Variants in RPS6KA2 observed in about 807,000 individuals in gnomAD.
The protein encoded by RPS6KA2 is ribosomal protein S6 kinase A2.
In RPS6KA2, 42 loss-of-function variants were observed where a neutral mutation model predicts 91.8. The observed-to-expected ratio is 0.46, with a 90% CI of 0.36 to 0.59. RPS6KA2 has a LOEUF of 0.59. Among genes scored for constraint, RPS6KA2 ranks in the 20% least tolerant of loss-of-function variants. The probability of loss-of-function intolerance (pLI) is 0.00; values close to 1 mark genes in which losing one functional copy is unlikely to be tolerated. For missense variants in RPS6KA2, 798 were observed against 978.5 expected, an observed-to-expected ratio of 0.82 and a Z score of 2.46; for synonymous variants, 414 against 393.6, an observed-to-expected ratio of 1.05 and a Z score of -0.61.
At chr6:166,553,448 C>CT (rs397953275) in intron 1 of RPS6KA2, among the ~76,000 whole-genome samples, 11,644 of 140,214 alleles carry the variant, frequency 0.083, 730 homozygotes, top group East Asian at 0.26. Flanking sequence ...TTTAGTCCCA[C>CT]TTTTTTTTTT....
chr6:166,685,092 C>T (rs968805659), intron 2 of RPS6KA2, among the ~76,000 whole-genome samples: 2 of 152,232 alleles, frequency 1.3e-5, no homozygotes, highest in Admixed American at 1.3e-4. Flanking sequence ...ACCTCGAAGT[C>T]CCCATCCAGT....
intron 2 of RPS6KA2, among the ~76,000 whole-genome samples, chr6:166,708,939 A>G (rs1257082569): frequency 2.6e-5 from 4 of 152,256 alleles, no homozygotes; most frequent in Non-Finnish European, 5.9e-5. Context: ...GAAGCCAGTC[A>G]TGTAGACAAC....
intron 2 of RPS6KA2, among the ~76,000 whole-genome samples, chr6:166,685,174 G>GAA (rs1788969000): frequency 1.4e-5 from 2 of 139,820 alleles, no homozygotes; most frequent in African/African-American, 5.1e-5. Context: ...GCAGGCTGCG[G>GAA]GGACAGAGGC....
At chr6:166,731,026 T>TGA (rs1298613470) in intron 2 of RPS6KA2, among the ~76,000 whole-genome samples, 1 of 152,196 alleles carries the variant, frequency 6.6e-6, no homozygotes, top group Non-Finnish European at 1.5e-5. Context: ...GCGGATCACC[T>TGA]GAGGTCGGGC....
chr6:166,727,447 AAAC>A (rs1790373778), intron 2 of RPS6KA2, among the ~76,000 whole-genome samples: 1 of 152,042 alleles, frequency 6.6e-6, no homozygotes, highest in Non-Finnish European at 1.5e-5. Flanking sequence ...GCTGCTCCTA[AAAC>A]AACACCAGGG....
intron 1 of RPS6KA2, among the ~76,000 whole-genome samples, chr6:166,550,973 C>G (rs1486397636): frequency 1.6e-5 from 2 of 121,302 alleles, no homozygotes; most frequent in South Asian, 5.7e-4. Context: ...TCCAGCCTGG[C>G]AACAGAGCCG....
chr6:166,500,657 C>A lies in RPS6KA2; in HGVS notation c.604+230G>T, dbSNP rs1324850723. ...AAGGAGCCCAGCAAACAGAACGTGG[C>A]AGGGGAGAGGGAAAAGAAGGGGCCA... On this transcript the variant is annotated intron_variant, in intron 7 of 20. Transcript: ENST00000265678. The surrounding 1 kb of genome is among the most constrained non-coding windows in gnomAD (Gnocchi z 4.3). Among the ~76,000 whole-genome samples the A allele has an allele frequency of 6.6e-6, 1 of 152,100 alleles. No homozygotes were observed. The highest frequency in any genetic ancestry group is 2.4e-5 in the African/African-American group (1 of 41,418).
At chr6:166,618,666 C>CGGGCAAATGCCCATCACCTCCGTT (rs1786505135) in intron 1 of RPS6KA2, among the ~76,000 whole-genome samples, 1 of 152,226 alleles carries the variant, frequency 6.6e-6, no homozygotes. Flanking sequence ...CATGGCAATT[C>CGGGCAAATGCCCATCACCTCCGTT]GGGCAAATGC....
At chr6:166,608,579 T>C (rs1583322313) in intron 1 of RPS6KA2, among the ~76,000 whole-genome samples, 1 of 152,032 alleles carries the variant, frequency 6.6e-6, no homozygotes, top group Non-Finnish European at 1.5e-5. Flanking sequence ...ACATAACAAG[T>C]TGATTATTGT....
intron 2 of RPS6KA2, among the ~76,000 whole-genome samples, chr6:166,843,517 C>A (rs760107533): frequency 1.3e-5 from 2 of 152,216 alleles, no homozygotes; most frequent in Non-Finnish European, 2.9e-5. Flanking sequence ...ATAGAGTCCA[C>A]TTCACTCCCT....
chr6:166,480,512 TATA>T, intron 10 of RPS6KA2, among the ~76,000 whole-genome samples: 1 of 123,854 alleles, frequency 8.1e-6, no homozygotes, highest in Non-Finnish European at 1.7e-5. Flanking sequence ...TATATATATA[TATA>T]ATATATTTTT....
intron 2 of RPS6KA2, among the ~76,000 whole-genome samples, chr6:166,688,012 C>A (rs1789078054): frequency 6.6e-6 from 1 of 152,080 alleles, no homozygotes; most frequent in East Asian, 1.9e-4. Flanking sequence ...CTGGGCTGCT[C>A]TGCATGACAC....
intron 2 of RPS6KA2, among the ~76,000 whole-genome samples, chr6:166,828,336 C>A (rs915938248): frequency 6.6e-6 from 1 of 152,216 alleles, no homozygotes; most frequent in Admixed American, 6.5e-5. Flanking sequence ...AACTCCACAC[C>A]CGCCACCTTC....
At chr6:166,528,165 ACTAACAAATGT>A (rs1356128990) in intron 3 of RPS6KA2, among the ~76,000 whole-genome samples, 2 of 152,228 alleles carry the variant, frequency 1.3e-5, no homozygotes, top group Non-Finnish European at 2.9e-5. Flanking sequence ...ATGATCCTGC[ACTAACAAATGT>A]CTAATTTAAC....
chr6:166,856,934 T>C lies in RPS6KA2; in HGVS notation c.123+1266A>G, dbSNP rs542191282. Among the ~76,000 whole-genome samples, 186 of 152,352 alleles carry C rather than the reference T, an allele frequency of 1.2e-3. No homozygotes were observed. In the Middle Eastern group the frequency reaches 0.014, roughly 11 times the overall value. ...AGGTACAAGGCCAGGCCAAGCATAG[T>C]GTTCAAGAACGCAGCTGGATCGCTG... is the stretch of plus-strand genomic sequence containing the variant. On this transcript the variant is annotated intron_variant, in intron 2 of 21. Coordinates refer to the RPS6KA2 transcript ENST00000503859.
At chr6:166,828,525 A>G (rs560306866) in intron 2 of RPS6KA2, among the ~76,000 whole-genome samples, 1 of 152,370 alleles carries the variant, frequency 6.6e-6, no homozygotes, top group Admixed American at 6.5e-5. Context: ...TAAATTTATC[A>G]CATAAAAATC....
chr6:166,716,158 G>C lies in RPS6KA2; in HGVS notation c.123+142042C>G, dbSNP rs1448157466. Among the ~76,000 whole-genome samples, 4 of 151,300 alleles carry C rather than the reference G, an allele frequency of 2.6e-5. No individual in the cohort carries two copies. The East Asian group carries it at 7.8e-4, about 29-fold the overall frequency. Reference sequence around the variant, plus strand: ...AGCAAAATGACATATAACTAAACCAGTTTTATCACAGGTTAACTGATGTCA... The same window carrying C: ...AGCAAAATGACATATAACTAAACCACTTTTATCACAGGTTAACTGATGTCA... On this transcript the variant is annotated intron_variant, in intron 2 of 21. Coordinates refer to the RPS6KA2 transcript ENST00000503859.
chr6:166,552,822 G>A (rs1388864589), intron 1 of RPS6KA2, among the ~76,000 whole-genome samples: 1 of 152,200 alleles, frequency 6.6e-6, no homozygotes, highest in Non-Finnish European at 1.5e-5. Flanking sequence ...GCACAAAAAC[G>A]ACCAGCTCTT....
intron 1 of RPS6KA2, among the ~76,000 whole-genome samples, chr6:166,595,831 T>C (rs886246958): frequency 6.6e-6 from 1 of 152,210 alleles, no homozygotes; most frequent in African/African-American, 2.4e-5. Flanking sequence ...CTCCCTTCAA[T>C]GTATTACCAA....
Sources: allele counts gnomAD v4.1 joint callset (sites outside exome capture counted in the v4.1 genomes callset), GRCh38; gene constraint gnomAD v4.1.1; non-coding constraint Gnocchi (gnomAD v3.1); transcripts MANE v1.5; gene names NCBI Gene and HGNC (gene_info 2026-07-23, HGNC 2026-07-21).